Variants in LRFN2 observed in about 807,000 individuals in gnomAD.
LRFN2 encodes leucine rich repeat and fibronectin type III domain containing 2, also known as leucine-rich repeat and fibronectin type-III domain-containing protein 2.
A neutral mutation model predicts 37.3 loss-of-function variants in LRFN2; 18 were observed. That is an observed-to-expected ratio of 0.48 (90% CI 0.33 to 0.72). The LOEUF (loss-of-function observed/expected upper bound fraction) is 0.72, where lower values mean the gene tolerates loss of function less well. LRFN2 is among the 30% of genes least tolerant of loss of function. The pLI, the probability that LRFN2 is intolerant of heterozygous loss-of-function variation, is 0.02. For missense variants in LRFN2, 1,006 were observed against 1,060.7 expected, an observed-to-expected ratio of 0.95 and a Z score of 0.72; for synonymous variants, 556 against 466.6, an observed-to-expected ratio of 1.19 and a Z score of -2.47.
intron 1 of LRFN2, among the ~76,000 whole-genome samples, chr6:40,573,083 G>T (rs902852340): frequency 2.0e-5 from 3 of 152,222 alleles, no homozygotes; most frequent in Non-Finnish European, 4.4e-5. Context: ...ACGAAAACAA[G>T]AGTGAGAAGC....
rs370613019 is a variant in LRFN2 at position 40,442,512 on chromosome 6, C to G, written c.-18-9381G>C. 2.0e-5 allele frequency among the ~76,000 whole-genome samples: 3 copies of G among 152,010 alleles called. No individual in the cohort carries two copies. The East Asian group carries it at 5.8e-4, about 30-fold the overall frequency. On this transcript the variant is annotated intron_variant, in intron 1 of 2. Transcript: ENST00000338305. Reference sequence around the variant, plus strand: ...CTCCCTGAGGACAGGGCTGAGTCTCCCCTCAGACTGGGACCCTCTGAGGGT... The same window carrying G: ...CTCCCTGAGGACAGGGCTGAGTCTCGCCTCAGACTGGGACCCTCTGAGGGT...
intron 2 of LRFN2, among the ~76,000 whole-genome samples, chr6:40,428,874 A>G (rs1431620025): frequency 6.6e-6 from 1 of 152,160 alleles, no homozygotes; most frequent in African/African-American, 2.4e-5. Context: ...GAGAAGACTG[A>G]ATTGTATATC....
At chr6:40,584,834 G>A (rs1239334287) in intron 1 of LRFN2, among the ~76,000 whole-genome samples, 1 of 151,366 alleles carries the variant, frequency 6.6e-6, no homozygotes, top group African/African-American at 2.4e-5. Context: ...TTTTCCTTTG[G>A]AGCTGAAGCA....
intron 1 of LRFN2, among the ~76,000 whole-genome samples, chr6:40,500,358 C>T (rs1047158125): frequency 4.6e-5 from 7 of 152,252 alleles, no homozygotes; most frequent in Non-Finnish European, 1.0e-4. Flanking sequence ...TGTGGCATTC[C>T]CTCTGGCTTC....
At chr6:40,421,924 TACA>T (rs1763237703) in intron 2 of LRFN2, among the ~76,000 whole-genome samples, 1 of 152,220 alleles carries the variant, frequency 6.6e-6, no homozygotes, top group Non-Finnish European at 1.5e-5. Flanking sequence ...TTTCCAATGT[TACA>T]ACAACCTGGT....
chr6:40,523,370 C>T (rs890561219), intron 1 of LRFN2, among the ~76,000 whole-genome samples: 3 of 152,134 alleles, frequency 2.0e-5, no homozygotes, highest in African/African-American at 7.2e-5. Context: ...CACACCCCAC[C>T]CACGCCCCAC....
chr6:40,463,282 C>T (rs537012635), intron 1 of LRFN2, among the ~76,000 whole-genome samples: 19 of 152,288 alleles, frequency 1.2e-4, no homozygotes, highest in African/African-American at 4.6e-4. Context: ...AACAGAGCTG[C>T]CCTTGGATAT....
chr6:40,472,215 GT>G (rs954530157), intron 1 of LRFN2, among the ~76,000 whole-genome samples: 2 of 152,082 alleles, frequency 1.3e-5, no homozygotes, highest in African/African-American at 4.8e-5. Context: ...AGCCCCTTCA[GT>G]TTCTCTTATT....
rs115450955 is a variant in LRFN2 at position 40,465,157 on chromosome 6, G to T, written c.-18-32026C>A. On this transcript the variant is annotated intron_variant, in intron 1 of 2. Coordinates refer to ENST00000338305, the MANE Select transcript of LRFN2 (RefSeq NM_020737.3). Reference sequence around the variant, plus strand: ...ACTGTTTCTGGCTTTGAGGGATGGGGTCATAAGCTAAGGAGTGTGGGCAGC... The same window carrying T: ...ACTGTTTCTGGCTTTGAGGGATGGGTTCATAAGCTAAGGAGTGTGGGCAGC... 1.7e-3 allele frequency among the ~76,000 whole-genome samples: 266 copies of T among 152,188 alleles called. 1 individual carries two copies. The highest frequency in any genetic ancestry group is 6.1e-3 in the African/African-American group (255 of 41,516).
At chr6:40,518,659 C>G (rs1002487252) in intron 1 of LRFN2, among the ~76,000 whole-genome samples, 3 of 152,186 alleles carry the variant, frequency 2.0e-5, no homozygotes, top group Non-Finnish European at 4.4e-5. Flanking sequence ...CACAACCCCT[C>G]CTTGAGCCAG....
At chr6:40,454,841 G>C (rs1011651276) in intron 1 of LRFN2, among the ~76,000 whole-genome samples, 1 of 152,186 alleles carries the variant, frequency 6.6e-6, no homozygotes, top group African/African-American at 2.4e-5. Flanking sequence ...TATGTGAAAT[G>C]CTGAGTTGCA....
chr6:40,542,392 AG>A (rs36087101), intron 1 of LRFN2, among the ~76,000 whole-genome samples: 3 of 151,558 alleles, frequency 2.0e-5, no homozygotes, highest in Admixed American at 6.6e-5. Flanking sequence ...GGATGAACTC[AG>A]GAAGCAGGCT....
chr6:40,488,575 C>T (rs149726513), intron 1 of LRFN2, among the ~76,000 whole-genome samples: 43 of 152,320 alleles, frequency 2.8e-4, no homozygotes, highest in African/African-American at 9.6e-4. Context: ...AGCTGCCTGC[C>T]ATTCTGTCCC....
intron 2 of LRFN2, among the ~76,000 whole-genome samples, chr6:40,426,612 C>A (rs543638601): frequency 6.6e-6 from 1 of 152,170 alleles, no homozygotes; most frequent in African/African-American, 2.4e-5. Context: ...GTTTTTGTAA[C>A]GGGCCAATGC....
chr6:40,473,061 C>T (rs1433883404), intron 1 of LRFN2, among the ~76,000 whole-genome samples: 1 of 152,162 alleles, frequency 6.6e-6, no homozygotes, highest in Non-Finnish European at 1.5e-5. Context: ...CTCTCGGGAT[C>T]CAGCTCACAT....
rs749352279 is a variant in LRFN2 at position 40,432,002 on chromosome 6, A to T, written c.1112T>A (p.Met371Lys). The T allele has an allele frequency of 3.1e-6, 5 of 1,613,742 alleles. No individual in the cohort carries two copies. Among genetic ancestry groups the T allele is most frequent in the South Asian group, 1.1e-5 (1 of 91,080 alleles). Residue 371 changes from methionine to lysine, a missense_variant, in exon 2 of 3, where the codon ATG (methionine) becomes AAG (lysine). Physicochemically the swap from Met to Lys is moderately conservative, Grantham distance 95. Coordinates refer to ENST00000338305, the MANE Select transcript of LRFN2 (RefSeq NM_020737.3). Reference sequence around the variant, plus strand: ...CAGCTGGACGATGGAGACCTCCACCATGGCCGTGGCCTCTCCGGCAGCATT... The same window carrying T: ...CAGCTGGACGATGGAGACCTCCACCTTGGCCGTGGCCTCTCCGGCAGCATT... ...AANAAGEATA[M>K]VEVSIVQLPH...
intron 1 of LRFN2, among the ~76,000 whole-genome samples, chr6:40,484,755 GA>G (rs958479928): frequency 1.3e-5 from 2 of 152,172 alleles, no homozygotes; most frequent in African/African-American, 4.8e-5. Flanking sequence ...TCAGAGCCAC[GA>G]AATGCAATAT....
At chr6:40,499,387 C>T (rs1765316943) in intron 1 of LRFN2, among the ~76,000 whole-genome samples, 1 of 150,160 alleles carries the variant, frequency 6.7e-6, no homozygotes, top group South Asian at 2.1e-4. Flanking sequence ...TCCTTCCAGA[C>T]ATTTTTTTTT....
intron 1 of LRFN2, among the ~76,000 whole-genome samples, chr6:40,463,062 G>A (rs1421121569): frequency 2.0e-5 from 3 of 152,232 alleles, no homozygotes; most frequent in Non-Finnish European, 4.4e-5. Context: ...TGGCTGGAAT[G>A]TGAATGTGAC....
Sources: gnomAD v4.1 joint callset for allele counts (sites outside exome capture counted in the v4.1 genomes callset) on GRCh38, gnomAD v4.1.1 for gene constraint, MANE v1.5 for transcripts, NCBI Gene and HGNC (gene_info 2026-07-23, HGNC 2026-07-21) for gene names.